NBPF19: variants seen among roughly 807,000 people sequenced by gnomAD.
NBPF19 encodes NBPF member 19, also known as NBPF family member NBPF19.
NBPF19 carries 30 observed loss-of-function variants against 45.9 expected under a neutral mutation model. The observed-to-expected ratio is 0.65, with a 90% CI of 0.49 to 0.89. The LOEUF is 0.89. Ranked by LOEUF, NBPF19 falls within the 40% of genes least tolerant of loss-of-function variation. The pLI is 0.00. For missense variants in NBPF19, 495 were observed against 471.8 expected, an observed-to-expected ratio of 1.05 and a Z score of -0.46; for synonymous variants, 183 against 181.2, an observed-to-expected ratio of 1.01 and a Z score of -0.08.
At chr1:149,487,752 C>G (rs2085664511) in intron 9 of NBPF19, among the ~76,000 whole-genome samples, 1 of 147,994 alleles carries the variant, frequency 6.8e-6, no homozygotes, top group Non-Finnish European at 1.5e-5. Flanking sequence ...AGTGTGTCAC[C>G]TGACCAATTG....
chr1:149,486,609 G>C (rs1317693408), intron 8 of NBPF19, among the ~76,000 whole-genome samples: 2 of 151,318 alleles, frequency 1.3e-5, no homozygotes, highest in South Asian at 2.1e-4. Context: ...TTGTCTGTCA[G>C]ATCAGCTCAT....
chr1:149,483,598 G>T (rs9441411), intron 7 of NBPF19, among the ~76,000 whole-genome samples: 1 of 150,490 alleles, frequency 6.6e-6, no homozygotes, highest in Non-Finnish European at 1.5e-5. Flanking sequence ...TATTTCTTCC[G>T]TTAGTTGATG....
At chr1:149,480,074 C>T in intron 4 of NBPF19, 68 bp from the exon 5 acceptor site, 2 of 648,754 alleles carry the variant, frequency 3.1e-6, no homozygotes, top group South Asian at 3.5e-5. Flanking sequence ...CTCTGTTGCA[C>T]ATTGGGCTGA....
intron 3 of NBPF19, 38 bp from the exon 4 acceptor site, chr1:149,478,842 C>T (rs1453702193): frequency 6.5e-6 from 10 of 1,543,370 alleles, no homozygotes; most frequent in African/African-American, 1.4e-5. Context: ...TCACTCAACC[C>T]TTTCTACTCT....
In NBPF19 at chr1:149,554,873, C is replaced by G; in HGVS notation, c.*135C>G. 1 of 1,489,722 alleles carries G rather than the reference C, an allele frequency of 6.7e-7. No homozygotes were observed. The highest frequency in any genetic ancestry group is 9.1e-7 in the Non-Finnish European group (1 of 1,097,008). 92.3% of individuals were successfully genotyped at this position (1,489,722 alleles called of 1,614,324 possible). ...CAGTGGGCATGGCTCTTTTCCTATT[C>G]TCAAACCATGCCAGTGGCAACCTGT... On this transcript the variant is annotated 3_prime_UTR_variant, in exon 94 of 94. Transcript: ENST00000651566.
rs1232119535 is a variant in NBPF19 at position 149,554,407 on chromosome 1, A to C, written c.11289-88A>C. 32 of 1,603,056 alleles carry C rather than the reference A, an allele frequency of 2.0e-5. 2 individuals are homozygous for C. The Middle Eastern group carries it at 9.0e-4, about 45-fold the overall frequency. ...GATCTATCCTTTTTCTTTTCTAACC[A>C]CTTCCTTATGTGACTTCTGAAATCT... On this transcript the variant is annotated intron_variant, in intron 93 of 93. Coordinates refer to ENST00000651566, the MANE Select transcript of NBPF19 (RefSeq NM_001351365.2).
In NBPF19 at chr1:149,554,663, G is replaced by T. The variant is rs1193244915; in HGVS notation, c.11457G>T (p.Leu3819Phe). ...EEEHISFALYLDNRFFTLTVT... is the reference protein window; with the variant it reads ...EEEHISFALYFDNRFFTLTVT... The stretch of plus-strand genomic sequence containing the variant: ...AGCATATCAGCTTCGCCCTTTACTT[G>T]GACAATAGGTTTTTTACTTTGACGG... The change falls in exon 94 of 94, where the codon TTG (leucine) becomes TTT (phenylalanine). Residue 3819 changes from leucine to phenylalanine, a missense_variant. By Grantham distance (22) the Leu-to-Phe change is conservative. Around this residue, in one of 8 missense-constraint regions of NBPF19, gnomAD observed 248 missense variants for 95.4 expected, o/e 2.60. Coordinates refer to ENST00000651566, the MANE Select transcript of NBPF19 (RefSeq NM_001351365.2). 13 of 1,608,242 alleles carry T rather than the reference G, an allele frequency of 8.1e-6. No individual in the cohort carries two copies. Among genetic ancestry groups the T allele is most frequent in the Non-Finnish European group, 5.9e-6 (7 of 1,176,724 alleles).
At chr1:149,493,095 TG>T (rs1402625728) in intron 16 of NBPF19, among the ~76,000 whole-genome samples, 155 bp downstream of exon 16, 1 of 63,880 alleles carries the variant, frequency 1.6e-5, no homozygotes, top group East Asian at 3.3e-4. Context: ...TAGTTCCACT[TG>T]GCAGCCCAGA....
intron 2 of NBPF19, among the ~76,000 whole-genome samples, chr1:149,477,323 C>T: frequency 6.6e-6 from 1 of 151,490 alleles, no homozygotes; most frequent in Non-Finnish European, 1.5e-5. Flanking sequence ...CAAACTAATG[C>T]TGTTTCTAAA....
At position 149,487,349 on chromosome 1, in the gene NBPF19, G is replaced by A. The variant is rs1358705058; in HGVS notation, c.1006G>A (p.Val336Met). 9 of 1,565,972 alleles carry A rather than the reference G, an allele frequency of 5.7e-6. No homozygotes were observed. The Admixed American group carries it at 1.5e-4, about 26-fold the overall frequency. Residue 336 changes from valine (V) to methionine (M), a missense_variant, in exon 9 of 94, where the codon GTG becomes ATG. Val to Met is a conservative substitution (Grantham distance 21). Coordinates refer to ENST00000651566, the MANE Select transcript of NBPF19 (RefSeq NM_001351365.2). ...VDIGRHRWDQ[V>M]KKEDQEATGP... ...ATTTGCAGGACATCGCTGGGATCAA[G>A]TGAAAAAGGAGGACCAAGAGGCAAC...
intron 51 of NBPF19, among the ~76,000 whole-genome samples, chr1:149,521,082 C>T (rs1268690651): frequency 1.2e-5 from 1 of 81,048 alleles, no homozygotes; most frequent in African/African-American, 5.0e-5. Flanking sequence ...CTGTCTCTGT[C>T]TCTGTCTCTC....
intron 9 of NBPF19, among the ~76,000 whole-genome samples, chr1:149,487,706 G>C (rs2085656645): frequency 2.0e-5 from 3 of 150,092 alleles, no homozygotes; most frequent in African/African-American, 7.4e-5. Context: ...TGTGTCCTGA[G>C]AGCACAAATA....
intron 9 of NBPF19, 130 bp from the exon 10 acceptor site, chr1:149,487,883 T>A (rs1373105540): frequency 2.7e-6 from 2 of 727,856 alleles, no homozygotes; most frequent in Non-Finnish European, 5.0e-6. Context: ...AGGCAATAAT[T>A]TGTTACCTCA....
Position 149,479,451 on chromosome 1 carries a change from TAGTA to T in NBPF19, c.493+361_493+364del, listed in dbSNP as rs1266742769. Among the ~76,000 whole-genome samples, 6 of 151,022 alleles carry T rather than the reference TAGTA, an allele frequency of 4.0e-5. 1 individual carries two copies. The highest frequency in any genetic ancestry group is 9.7e-5 in the African/African-American group (4 of 41,142). ...CAGGCTGTATTTTTGGCAGTGTTCT[TAGTA>T]AGTGTCAGTGAGTGATTTATCTTTT... On this transcript the variant is annotated intron_variant, in intron 4 of 93. Coordinates refer to ENST00000651566, the MANE Select transcript of NBPF19 (RefSeq NM_001351365.2).
chr1:149,478,063 G>A lies in NBPF19; in HGVS notation c.278+16G>A, dbSNP rs1231811427. 3.6e-4 allele frequency: 564 copies of A among 1,566,282 alleles called. 16 individuals are homozygous for A. In the African/African-American group the frequency reaches 6.4e-3, roughly 18 times the overall value. On this transcript the variant is annotated intron_variant, in intron 3 of 93. Coordinates refer to ENST00000651566, the MANE Select transcript of NBPF19 (RefSeq NM_001351365.2). ...AGGAGCTCAGGTGAGGGGACCCCGT[G>A]GGGGGAGGGCAGGCGGGTAGGTGTG... is the stretch of plus-strand genomic sequence containing the variant.
chr1:149,554,760 G>A lies in NBPF19; in HGVS notation c.*22G>A. On this transcript the variant is annotated 3_prime_UTR_variant, in exon 94 of 94. Transcript: ENST00000651566. ...ATAGGCAGCCCTTACTAAGCCGAGA[G>A]ATGTCATTCCTGCAGGCAGGACCTA... 10 of 1,607,834 alleles carry A rather than the reference G, an allele frequency of 6.2e-6. No individual in the cohort carries two copies. Among genetic ancestry groups the A allele is most frequent in the Non-Finnish European group, 8.5e-6 (10 of 1,176,358 alleles).
chr1:149,484,344 T>G, intron 7 of NBPF19, among the ~76,000 whole-genome samples: 1 of 67,752 alleles, frequency 1.5e-5, no homozygotes, highest in Non-Finnish European at 2.5e-5. Flanking sequence ...CTGGGGCCTG[T>G]TGTAGGGTGG....
intron 10 of NBPF19, 74 bp downstream of exon 10, chr1:149,488,259 G>C: frequency 1.8e-6 from 1 of 564,872 alleles, no homozygotes; most frequent in Non-Finnish European, 3.1e-6. Flanking sequence ...ACTGCAAGTG[G>C]CCCTTACTGA....
Position 149,490,923 on chromosome 1 carries a change from T to C in NBPF19, c.1491-216T>C, listed in dbSNP as rs1463904917. Among the ~76,000 whole-genome samples, 25 of 130,854 alleles carry C rather than the reference T, an allele frequency of 1.9e-4. 2 individuals are homozygous for C. The highest frequency in any genetic ancestry group is 4.0e-4 in the Admixed American group (5 of 12,634). 85.8% of individuals were successfully genotyped at this position (130,854 alleles called of 152,430 possible). A position where few individuals can be genotyped will look rare whatever the true frequency, so the allele number is the denominator to read the frequency against. The stretch of plus-strand genomic sequence containing the variant: ...CTGTGTGTGTGTGTGTGTGTGTGCG[T>C]GTGTGTGTGTGTGTGTGTGTGTCCA... On this transcript the variant is annotated intron_variant, in intron 13 of 93. Transcript: ENST00000651566.
Sources: gnomAD v4.1 joint callset for allele counts (sites outside exome capture counted in the v4.1 genomes callset) on GRCh38, gnomAD v4.1.1 for gene constraint, gnomAD v4.1.1 regional missense constraint, MANE v1.5 for transcripts, NCBI Gene and HGNC (gene_info 2026-07-23, HGNC 2026-07-21) for gene names.